The following SLC24A2 variants were observed in gnomAD, a reference collection of about 807,000 sequenced individuals.
SLC24A2 encodes the protein solute carrier family 24 member 2, also known as sodium/potassium/calcium exchanger 2.
In SLC24A2, 36 loss-of-function variants were observed where a neutral mutation model predicts 62.0. That is an observed-to-expected ratio of 0.58 (90% CI 0.44 to 0.77). SLC24A2 has a LOEUF of 0.77. Ranked by LOEUF, SLC24A2 falls within the 30% of genes least tolerant of loss-of-function variation. The pLI, the probability that SLC24A2 is intolerant of heterozygous loss-of-function variation, is 0.00. For synonymous variants in SLC24A2, 358 were observed against 294.0 expected, an observed-to-expected ratio of 1.22 and a Z score of -2.23; for missense variants, 846 against 817.9, an observed-to-expected ratio of 1.03 and a Z score of -0.42.
the SLC24A2 span, among the ~76,000 whole-genome samples, chr9:19,910,443 C>T: frequency 6.6e-6 from 1 of 152,142 alleles, no homozygotes; most frequent in African/African-American, 2.4e-5. Flanking sequence ...ACCTTCCAGA[C>T]TGAGGCTATA....
chr9:19,526,605 T>G (rs529581335), intron 9 of SLC24A2, among the ~76,000 whole-genome samples: 1 of 152,332 alleles, frequency 6.6e-6, no homozygotes, highest in African/African-American at 2.4e-5. Context: ...TTAATAATGA[T>G]GTTGAGCATA....
the SLC24A2 span, among the ~76,000 whole-genome samples, chr9:19,840,441 C>T: frequency 1.3e-5 from 2 of 152,276 alleles, no homozygotes; most frequent in African/African-American, 2.4e-5. Context: ...TAATACTTCC[C>T]AATTTCCCTA....
chr9:20,052,967 CAT>C, the SLC24A2 span, among the ~76,000 whole-genome samples: 7 of 152,258 alleles, frequency 4.6e-5, no homozygotes, highest in African/African-American at 1.4e-4. Context: ...GAATCAGAAA[CAT>C]ATGGATTTCA....
the SLC24A2 span, among the ~76,000 whole-genome samples, chr9:20,016,701 A>G: frequency 4.6e-5 from 7 of 152,218 alleles, no homozygotes; most frequent in Non-Finnish European, 8.8e-5. Flanking sequence ...ATTTGTTGAC[A>G]GCAAGTATAA....
At chr9:19,896,508 T>C in the SLC24A2 span, among the ~76,000 whole-genome samples, 1 of 152,196 alleles carries the variant, frequency 6.6e-6, no homozygotes, top group Admixed American at 6.5e-5. Context: ...TAACAGTTAT[T>C]GAACACTAAA....
chr9:19,877,852 C>T, the SLC24A2 span, among the ~76,000 whole-genome samples: 1 of 152,244 alleles, frequency 6.6e-6, no homozygotes, highest in South Asian at 2.1e-4. Flanking sequence ...AACTTTGTGG[C>T]GTACACTTAA....
At chr9:19,573,540 A>C in intron 6 of SLC24A2, 71 bp from the exon 7 acceptor site, 1 of 855,080 alleles carries the variant, frequency 1.2e-6, no homozygotes, top group South Asian at 1.3e-5. Flanking sequence ...AGAGAGAGAG[A>C]GAGAGAGAGA....
the SLC24A2 span, among the ~76,000 whole-genome samples, chr9:20,223,355 G>A: frequency 2.2e-3 from 331 of 152,072 alleles, 5 homozygotes; most frequent in Non-Finnish European, 1.9e-3. Context: ...AATAAAAGCC[G>A]GGCTCACACC....
chr9:20,187,940 G>A, the SLC24A2 span, among the ~76,000 whole-genome samples: 2 of 152,206 alleles, frequency 1.3e-5, no homozygotes, highest in African/African-American at 2.4e-5. Flanking sequence ...TGGAAAGTCT[G>A]CTTTAACAGT....
At chr9:19,952,330 T>C in the SLC24A2 span, among the ~76,000 whole-genome samples, 78,650 of 151,832 alleles carry the variant, frequency 0.52, 20,915 homozygotes, top group Non-Finnish European at 0.56. Context: ...ATTGCACTGG[T>C]TATGACCTAT....
the SLC24A2 span, among the ~76,000 whole-genome samples, chr9:20,051,657 C>T: frequency 2.6e-3 from 189 of 73,496 alleles, 3 homozygotes; most frequent in African/African-American, 0.01. Flanking sequence ...TTTTCTTTCT[C>T]TTTTTTTTTT....
At chr9:19,595,819 A>C (rs575589061) in intron 5 of SLC24A2, among the ~76,000 whole-genome samples, 11 of 152,298 alleles carry the variant, frequency 7.2e-5, no homozygotes, top group African/African-American at 2.4e-4. Flanking sequence ...AGGGCTTGAC[A>C]GGTCAGGTGG....
At chr9:20,077,685 G>A in the SLC24A2 span, among the ~76,000 whole-genome samples, 1 of 152,110 alleles carries the variant, frequency 6.6e-6, no homozygotes, top group Non-Finnish European at 1.5e-5. Context: ...ATCATTCTTT[G>A]CACCTTAAGA....
At chr9:20,092,233 CTAAAA>C in the SLC24A2 span, among the ~76,000 whole-genome samples, 4 of 152,198 alleles carry the variant, frequency 2.6e-5, no homozygotes, top group African/African-American at 9.6e-5. Context: ...ACCTCTGAAC[CTAAAA>C]TAAAAGTTTA....
At chr9:19,550,910 G>C (rs1029218980) in intron 7 of SLC24A2, among the ~76,000 whole-genome samples, 2 of 152,028 alleles carry the variant, frequency 1.3e-5, no homozygotes, top group Non-Finnish European at 2.9e-5. Flanking sequence ...TGCATTGAAT[G>C]TGTAATGATC....
chr9:19,770,630 T>C (rs1442051527), intron 2 of SLC24A2, among the ~76,000 whole-genome samples: 1 of 152,074 alleles, frequency 6.6e-6, no homozygotes, highest in Non-Finnish European at 1.5e-5. Context: ...ATGGAGAAAA[T>C]TGGAAACAGA....
intron 7 of SLC24A2, among the ~76,000 whole-genome samples, chr9:19,565,658 A>T (rs1486148141): frequency 6.6e-6 from 1 of 152,208 alleles, no homozygotes; most frequent in African/African-American, 2.4e-5. Context: ...GATTGCCAAG[A>T]TAATCCTAAG....
chr9:19,865,638 G>C, the SLC24A2 span, among the ~76,000 whole-genome samples: 1 of 152,090 alleles, frequency 6.6e-6, no homozygotes, highest in Non-Finnish European at 1.5e-5. Flanking sequence ...GGGAAAACTG[G>C]ATATCCATAT....
chr9:19,790,442 G>C (rs1823301484), upstream of SLC24A2, among the ~76,000 whole-genome samples: 1 of 139,802 alleles, frequency 7.2e-6, no homozygotes, highest in African/African-American at 2.7e-5. Context: ...CAGAAAGCAA[G>C]AAAACTATCA....
Sources: gnomAD v4.1 joint callset for allele counts (sites outside exome capture counted in the v4.1 genomes callset) on GRCh38, gnomAD v4.1.1 for gene constraint, MANE v1.5 for transcripts, NCBI Gene and HGNC (gene_info 2026-07-23, HGNC 2026-07-21) for gene names.